The following WWOX variants were observed in gnomAD, a reference collection of about 807,000 sequenced individuals.
WWOX encodes the protein WW domain containing oxidoreductase, also known as WW domain-containing oxidoreductase.
In WWOX, 69 loss-of-function variants were observed where a neutral mutation model predicts 46.2. The ratio of observed to expected loss-of-function variants is 1.49; its 90% confidence interval spans 1.23 to 1.82. The LOEUF is 1.82. Ranked by LOEUF, WWOX falls within the 40% of genes most tolerant of loss-of-function variation. The pLI, the probability that WWOX is intolerant of heterozygous loss-of-function variation, is 0.00. For synonymous variants in WWOX, 359 were observed against 202.6 expected (o/e 1.77, Z -6.56); for missense variants, 919 against 542.6 (o/e 1.69, Z -6.89).
intron 8 of WWOX, among the ~76,000 whole-genome samples, chr16:78,544,591 G>A (rs1365714138): frequency 6.6e-6 from 1 of 152,206 alleles, no homozygotes; most frequent in Non-Finnish European, 1.5e-5. Flanking sequence ...TGAGATGATT[G>A]AAAATGAGAT....
intron 8 of WWOX, among the ~76,000 whole-genome samples, chr16:78,669,961 C>T (rs1233992502): frequency 3.9e-5 from 6 of 152,226 alleles, no homozygotes; most frequent in South Asian, 2.1e-4. Context: ...AAATGGTTGC[C>T]TTTTCTCCCT....
At chr16:79,173,978 C>T (rs1410989772) in intron 8 of WWOX, among the ~76,000 whole-genome samples, 1 of 152,158 alleles carries the variant, frequency 6.6e-6, no homozygotes, top group Non-Finnish European at 1.5e-5. Flanking sequence ...CTTAAAATGC[C>T]TCCCTAGTGA....
chr16:79,019,175 A>G (rs1424923870), intron 8 of WWOX, among the ~76,000 whole-genome samples: 5 of 57,230 alleles, frequency 8.7e-5, no homozygotes, highest in East Asian at 9.0e-4. Flanking sequence ...AAAAAAAAAA[A>G]AAAAAAAAAA....
Position 79,107,739 on chromosome 16 carries a change from A to T in WWOX, c.1057-103869A>T, listed in dbSNP as rs142311222. Reference sequence around the variant, plus strand: ...TCCTTCCCCCAGAAATTCTAGATTTATAAATTTCTCCCAAGGAAATCATTA... The same window carrying T: ...TCCTTCCCCCAGAAATTCTAGATTTTTAAATTTCTCCCAAGGAAATCATTA... On this transcript the variant is annotated intron_variant, in intron 8 of 8. Transcript: ENST00000566780. Among the ~76,000 whole-genome samples, 5 of 152,368 alleles carry T rather than the reference A, an allele frequency of 3.3e-5. No individual in the cohort carries two copies. The East Asian group carries it at 7.7e-4, about 24-fold the overall frequency.
At chr16:79,056,702 G>A (rs183036613) in intron 8 of WWOX, among the ~76,000 whole-genome samples, 5 of 152,294 alleles carry the variant, frequency 3.3e-5, no homozygotes, top group African/African-American at 1.2e-4. Context: ...TAAGGGTCAT[G>A]TCTCTTGGCT....
intron 8 of WWOX, among the ~76,000 whole-genome samples, chr16:78,819,071 G>A (rs905437050): frequency 5.3e-5 from 8 of 152,302 alleles, no homozygotes; most frequent in African/African-American, 7.2e-5. Context: ...ACATGAGCAG[G>A]CCCATAGTAC....
chr16:78,772,844 A>C (rs2050097497), intron 8 of WWOX, among the ~76,000 whole-genome samples: 1 of 152,076 alleles, frequency 6.6e-6, no homozygotes. Flanking sequence ...CATAGCGTGA[A>C]CTTGTATCTA....
chr16:79,010,774 C>A (rs1331032161), intron 8 of WWOX, among the ~76,000 whole-genome samples: 1 of 130,602 alleles, frequency 7.7e-6, no homozygotes, highest in Non-Finnish European at 1.5e-5. Context: ...ATGCTGCCAG[C>A]AGAGGGGAAA....
chr16:79,021,308 C>T lies in WWOX; in HGVS notation c.1057-190300C>T, dbSNP rs16949249. 8.9e-3 allele frequency among the ~76,000 whole-genome samples: 1,349 copies of T among 152,146 alleles called. 15 individuals carry two copies. The highest frequency in any genetic ancestry group is 0.031 in the African/African-American group (1,271 of 41,502). On this transcript the variant is annotated intron_variant, in intron 8 of 8. Transcript: ENST00000566780. ...TAAGGCACGCAGGATGCAAGATTAG[C>T]GAGATATTGTCTCTACTCTCAAGAA... is the stretch of plus-strand genomic sequence containing the variant.
rs376431164 is a variant in WWOX, at chr16:78,882,931, C to T, written c.1057-328677C>T. 7.7e-4 allele frequency among the ~76,000 whole-genome samples: 117 copies of T among 151,942 alleles called. 5 individuals are homozygous for T. In the South Asian group the frequency reaches 0.024, roughly 31 times the overall value. ...CAGAGCATAGCCTGTCTTCCAGGAA[C>T]CGGCACCAGCGATGTCGTAGGCTGA... On this transcript the variant is annotated intron_variant, in intron 8 of 8. Coordinates refer to ENST00000566780, the MANE Select transcript of WWOX (RefSeq NM_016373.4).
At chr16:78,794,303 A>C (rs1110435) in intron 8 of WWOX, among the ~76,000 whole-genome samples, 73,070 of 151,942 alleles carry the variant, frequency 0.48, 20,506 homozygotes, top group Middle Eastern at 0.68. Context: ...GAACCATGAG[A>C]AATAAATTTC....
intron 8 of WWOX, among the ~76,000 whole-genome samples, chr16:78,943,897 G>A (rs2045899904): frequency 6.6e-6 from 1 of 152,158 alleles, no homozygotes; most frequent in Non-Finnish European, 1.5e-5. Context: ...TGAAGCAGCA[G>A]CCACAGGAAC....
intron 4 of WWOX, among the ~76,000 whole-genome samples, chr16:78,154,426 C>T (rs1263119399): frequency 2.0e-5 from 3 of 150,638 alleles, no homozygotes; most frequent in Non-Finnish European, 3.0e-5. Context: ...CTTCATGGAG[C>T]TTCATCTCTG....
chr16:78,867,178 A>G (rs2044022141), intron 8 of WWOX, among the ~76,000 whole-genome samples: 1 of 152,118 alleles, frequency 6.6e-6, no homozygotes, highest in African/African-American at 2.4e-5. Flanking sequence ...AGACAGACAA[A>G]ACTGCAACTC....
At chr16:79,058,620 C>A (rs964073277) in intron 8 of WWOX, among the ~76,000 whole-genome samples, 2 of 152,178 alleles carry the variant, frequency 1.3e-5, no homozygotes, top group African/African-American at 2.4e-5. Context: ...CTGGCCTAAT[C>A]CCTGGAAGGA....
chr16:79,146,668 C>G (rs1244936486), intron 8 of WWOX, among the ~76,000 whole-genome samples: 1 of 152,162 alleles, frequency 6.6e-6, no homozygotes, highest in Non-Finnish European at 1.5e-5. Context: ...TTCATTCACT[C>G]AGCAAGTGCT....
chr16:78,433,650 A>T (rs1302261963), intron 8 of WWOX, among the ~76,000 whole-genome samples: 1 of 152,142 alleles, frequency 6.6e-6, no homozygotes, highest in Non-Finnish European at 1.5e-5. Context: ...AAAGCAAAAC[A>T]ACAACAAAAG....
rs1400086964 is a variant in WWOX at position 78,927,296 on chromosome 16, GC to G, written c.1057-284310del. Among the ~76,000 whole-genome samples the G allele has an allele frequency of 2.6e-5, 4 of 152,210 alleles. No individual in the cohort carries two copies. In the East Asian group the frequency reaches 7.7e-4, roughly 29 times the overall value. Reference sequence around the variant, plus strand: ...GAACATGACACCGGCCTCCAGCAGAGCCTGCTCTTGGTCCACTGTTTATCCT... The same window carrying G: ...GAACATGACACCGGCCTCCAGCAGAGCTGCTCTTGGTCCACTGTTTATCCT... On this transcript the variant is annotated intron_variant, in intron 8 of 8. Transcript: ENST00000566780.
At chr16:79,156,545 T>A (rs2150741851) in intron 8 of WWOX, among the ~76,000 whole-genome samples, 1 of 152,274 alleles carries the variant, frequency 6.6e-6, no homozygotes, top group South Asian at 2.1e-4. Context: ...GAAGGAAAAT[T>A]AGGAATTCTT....
Sources: allele counts gnomAD v4.1 joint callset (sites outside exome capture counted in the v4.1 genomes callset), GRCh38; gene constraint gnomAD v4.1.1; transcripts MANE v1.5; gene names NCBI Gene and HGNC (gene_info 2026-07-23, HGNC 2026-07-21).